SIPA1L1: variants seen among roughly 807,000 people sequenced by gnomAD.
The protein encoded by SIPA1L1 is signal-induced proliferation-associated 1-like protein 1.
SIPA1L1 carries 26 observed loss-of-function variants against 162.7 expected under a neutral mutation model. That is an observed-to-expected ratio of 0.16 (90% confidence interval 0.12 to 0.22). The LOEUF (loss-of-function observed/expected upper bound fraction) is 0.22, where lower values mean the gene tolerates loss of function less well. Ranked by LOEUF, SIPA1L1 falls within the 10% of genes least tolerant of loss-of-function variation. SIPA1L1 has a pLI of 1.00. For synonymous variants in SIPA1L1, 829 were observed against 837.4 expected (o/e 0.99, Z 0.17); for missense variants, 1,874 against 2,241.0 (o/e 0.84, Z 3.31).
rs561910140 is a variant in SIPA1L1, at chr14:71,543,701, CTTTTTTT to C, written c.-303+14339_-303+14345del. 7.4e-4 allele frequency among the ~76,000 whole-genome samples: 93 copies of C among 126,436 alleles called. 1 individual carries two copies. The highest frequency in any genetic ancestry group is 4.4e-3 in the Middle Eastern group (1 of 228). The allele number at this position is 126,436 out of a possible 152,430, so 82.9% of individuals were successfully genotyped here. A position where few individuals can be genotyped will look rare whatever the true frequency, so the allele number is the denominator to read the frequency against. ...CATTCATGCGGTCAGTAACTTTTTT[CTTTTTTT>C]TTTTTTTGCAGTGTCTTTTGCAAGT... On this transcript the variant is annotated intron_variant, in intron 4 of 23. Coordinates refer to ENST00000381232, the MANE Select transcript of SIPA1L1 (RefSeq NM_001386936.1).
At chr14:71,681,390 C>G (rs1029644013) in intron 12 of SIPA1L1, among the ~76,000 whole-genome samples, 4 of 152,116 alleles carry the variant, frequency 2.6e-5, no homozygotes, top group African/African-American at 9.7e-5. Flanking sequence ...AGTGGTCAAC[C>G]CTTTATTCTG....
intron 2 of SIPA1L1, among the ~76,000 whole-genome samples, chr14:71,401,233 G>C (rs2041647478): frequency 1.3e-5 from 2 of 152,144 alleles, no homozygotes; most frequent in Admixed American, 1.3e-4. Context: ...GTTTTTCCAA[G>C]ATGATTTTGT....
chr14:71,539,939 C>T (rs1312543727), intron 4 of SIPA1L1, among the ~76,000 whole-genome samples: 3 of 152,196 alleles, frequency 2.0e-5, no homozygotes, highest in African/African-American at 4.8e-5. Context: ...AGCTGCCTGC[C>T]TCTGTGCAAG....
At chr14:71,543,796 G>A (rs1479034353) in intron 4 of SIPA1L1, among the ~76,000 whole-genome samples, 1 of 142,242 alleles carries the variant, frequency 7.0e-6, no homozygotes, top group African/African-American at 2.6e-5. Context: ...GATTATATAT[G>A]TATATAATGT....
intron 2 of SIPA1L1, among the ~76,000 whole-genome samples, chr14:71,435,940 T>G (rs1217250792): frequency 3.3e-5 from 5 of 152,198 alleles, no homozygotes; most frequent in Admixed American, 6.5e-5. Flanking sequence ...TGATGAGCAT[T>G]TTTTCATGTG....
intron 5 of SIPA1L1, among the ~76,000 whole-genome samples, 194 bp from the exon 6 acceptor site, chr14:71,618,563 T>G (rs1202117096): frequency 6.6e-6 from 1 of 152,222 alleles, no homozygotes; most frequent in Admixed American, 6.5e-5. Flanking sequence ...GTGTTCAGTG[T>G]TATCTTCTCT....
intron 3 of SIPA1L1, among the ~76,000 whole-genome samples, chr14:71,521,994 T>C (rs2052402952): frequency 6.6e-6 from 1 of 152,250 alleles, no homozygotes; most frequent in African/African-American, 2.4e-5. Context: ...TGGGATCATT[T>C]TCCTGCTGTG....
chr14:71,440,973 T>C (rs892212304), intron 2 of SIPA1L1, among the ~76,000 whole-genome samples: 2 of 152,220 alleles, frequency 1.3e-5, no homozygotes, highest in African/African-American at 2.4e-5. Flanking sequence ...ACTGAAATTG[T>C]TTCTAAGTTC....
intron 2 of SIPA1L1, among the ~76,000 whole-genome samples, chr14:71,335,865 C>T (rs1366116209): frequency 6.6e-6 from 1 of 152,116 alleles, no homozygotes; most frequent in Non-Finnish European, 1.5e-5. Context: ...CCATAGGTAC[C>T]CAGTATATTA....
chr14:71,344,947 A>G (rs931757826), intron 2 of SIPA1L1, among the ~76,000 whole-genome samples: 1 of 152,178 alleles, frequency 6.6e-6, no homozygotes, highest in Non-Finnish European at 1.5e-5. Context: ...TTGAATTATC[A>G]TGGTGGATTC....
chr14:71,616,950 G>A (rs1011979066), intron 5 of SIPA1L1, among the ~76,000 whole-genome samples: 1 of 152,132 alleles, frequency 6.6e-6, no homozygotes, highest in Non-Finnish European at 1.5e-5. Context: ...TGTACTTGAG[G>A]GGTTCCTAGA....
chr14:71,527,320 T>A (rs191396471), intron 3 of SIPA1L1, among the ~76,000 whole-genome samples: 133 of 152,094 alleles, frequency 8.7e-4, no homozygotes, highest in Non-Finnish European at 1.2e-3. Context: ...GCTAATTTTT[T>A]ATTTTTATTT....
At chr14:71,430,172 GA>G (rs2043875646) in intron 2 of SIPA1L1, among the ~76,000 whole-genome samples, 2 of 152,156 alleles carry the variant, frequency 1.3e-5, no homozygotes, top group Admixed American at 6.5e-5. Flanking sequence ...CTGCTGGGCA[GA>G]AATAGGCACA....
chr14:71,553,033 T>C (rs2056012716), intron 4 of SIPA1L1, among the ~76,000 whole-genome samples: 1 of 152,152 alleles, frequency 6.6e-6, no homozygotes, highest in African/African-American at 2.4e-5. Flanking sequence ...ATTGCCGATA[T>C]CTCCAAATGC....
chr14:71,515,677 C>T (rs1269180741), intron 3 of SIPA1L1, among the ~76,000 whole-genome samples: 2 of 152,092 alleles, frequency 1.3e-5, no homozygotes, highest in African/African-American at 4.8e-5. Flanking sequence ...TGGAGTCTTA[C>T]TCTGTCTCCC....
intron 2 of SIPA1L1, among the ~76,000 whole-genome samples, chr14:71,465,377 TC>T (rs2142014621): frequency 6.6e-6 from 1 of 152,324 alleles, no homozygotes; most frequent in South Asian, 2.1e-4. Flanking sequence ...GGAGACAGAA[TC>T]CCTGAATTCA....
chr14:71,502,286 CAG>C (rs1482551246), intron 2 of SIPA1L1, among the ~76,000 whole-genome samples: 7 of 107,946 alleles, frequency 6.5e-5, no homozygotes. Flanking sequence ...ATATTTGAGA[CAG>C]AGTCTCGCTG....
At chr14:71,648,966 C>T (rs962619347) in intron 7 of SIPA1L1, among the ~76,000 whole-genome samples, 1 of 152,164 alleles carries the variant, frequency 6.6e-6, no homozygotes, top group African/African-American at 2.4e-5. Context: ...TAATATTTGC[C>T]TTGTGGGCTA....
rs1199189776 is a variant in SIPA1L1, at chr14:71,377,810, AC to A, written c.-465+56631del. 6.6e-6 allele frequency among the ~76,000 whole-genome samples: 1 copy of A among 152,222 alleles called. No individual in the cohort carries two copies. The highest frequency in any genetic ancestry group is 2.4e-5 in the African/African-American group (1 of 41,468). ...GCCAACACGGCGAAACCCCGTCTCC[AC>A]CAAAAAATACAAAAACCAGTCAGGC... On this transcript the variant is annotated intron_variant, in intron 2 of 23. Transcript: ENST00000381232. This position sits in a 1 kb window ranked among gnomAD's most constrained non-coding sequence, Gnocchi z 4.8.
Sources: gnomAD v4.1 joint callset for allele counts (sites outside exome capture counted in the v4.1 genomes callset) on GRCh38, gnomAD v4.1.1 for gene constraint, Gnocchi (gnomAD v3.1) non-coding constraint, MANE v1.5 for transcripts, NCBI Gene and HGNC (gene_info 2026-07-23, HGNC 2026-07-21) for gene names.